The following SERPINB12 variants were observed in gnomAD, a reference collection of about 807,000 sequenced individuals.
SERPINB12 encodes the protein serpin B12.
SERPINB12 carries 57 observed loss-of-function variants against 41.1 expected under a neutral mutation model. That is an observed-to-expected ratio of 1.39 (90% CI 1.12 to 1.73). The LOEUF (loss-of-function observed/expected upper bound fraction) is 1.73, where lower values mean the gene tolerates loss of function less well. Among genes scored for constraint, SERPINB12 ranks in the 40% most tolerant of loss-of-function variants. The pLI is 0.00. For missense variants in SERPINB12, 536 were observed against 501.9 expected, an observed-to-expected ratio of 1.07 and a Z score of -0.65; for synonymous variants, 180 against 181.3, an observed-to-expected ratio of 0.99 and a Z score of 0.06.
the SERPINB12 span, among the ~76,000 whole-genome samples, chr18:63,520,879 A>G: frequency 1.3e-5 from 2 of 152,238 alleles, no homozygotes; most frequent in Non-Finnish European, 2.9e-5. Flanking sequence ...AAAGAAAATG[A>G]TATTTATTTC....
intron 7 of SERPINB12, 38 bp from the exon 8 acceptor site, chr18:63,566,569 A>C: frequency 6.4e-7 from 1 of 1,551,526 alleles, no homozygotes; most frequent in East Asian, 2.2e-5. Context: ...TTGTGGTCCC[A>C]TAATCTGATG....
chr18:63,564,158 C>G (rs748721150), intron 6 of SERPINB12, 38 bp downstream of exon 6: 2 of 1,586,462 alleles, frequency 1.3e-6, no homozygotes, highest in Non-Finnish European at 1.7e-6. Context: ...AGCTAGCCAA[C>G]TCATAATTTC....
At chr18:63,558,802 G>A (rs1324188028) in intron 3 of SERPINB12, among the ~76,000 whole-genome samples, 2 of 152,156 alleles carry the variant, frequency 1.3e-5, no homozygotes, top group Non-Finnish European at 2.9e-5. Flanking sequence ...GTGGTAAGGG[G>A]TAGGGTCAGC....
chr18:63,556,338 A>C lies in SERPINB12; in HGVS notation c.168+11A>C. On this transcript the variant is annotated intron_variant, in intron 2 of 7. Coordinates refer to ENST00000382768, the MANE Select transcript of SERPINB12 (RefSeq NM_001307928.2). ...CATCAGATTGATGAGGTACGTGTCC[A>C]CTAGGGTGCTACACAGGGTCCTAAA... The C allele has an allele frequency of 6.2e-7, 1 of 1,612,228 alleles. No individual in the cohort carries two copies. Among genetic ancestry groups the C allele is most frequent in the Non-Finnish European group, 8.5e-7 (1 of 1,178,700 alleles).
the SERPINB12 span, among the ~76,000 whole-genome samples, chr18:63,526,308 C>G: frequency 6.6e-6 from 1 of 151,878 alleles, no homozygotes; most frequent in Non-Finnish European, 1.5e-5. Flanking sequence ...TTTACTAATA[C>G]TTATTTACTT....
chr18:63,558,318 A>G (rs1464572751), intron 2 of SERPINB12, 34 bp from the exon 3 acceptor site: 2 of 1,594,962 alleles, frequency 1.3e-6, no homozygotes, highest in African/African-American at 1.4e-5. Flanking sequence ...CTCTGTTCAT[A>G]TTATCTGAAA....
the SERPINB12 span, among the ~76,000 whole-genome samples, chr18:63,532,672 T>C: frequency 6.6e-6 from 1 of 152,162 alleles, no homozygotes. Flanking sequence ...GTTGTCTCTA[T>C]GGTAGATGCA....
chr18:63,544,990 A>G (rs1160342738), intron 1 of SERPINB12, among the ~76,000 whole-genome samples: 2 of 152,136 alleles, frequency 1.3e-5, no homozygotes, highest in Non-Finnish European at 2.9e-5. Flanking sequence ...TCAGTAGGGG[A>G]ATATTAATCA....
the SERPINB12 span, among the ~76,000 whole-genome samples, chr18:63,525,542 T>A: frequency 6.6e-6 from 1 of 152,184 alleles, no homozygotes; most frequent in Non-Finnish European, 1.5e-5. Context: ...AACAAACTTG[T>A]ACTTGTGTTC....
upstream of SERPINB12, among the ~76,000 whole-genome samples, chr18:63,537,849 G>C (rs1910204253): frequency 6.6e-6 from 1 of 152,128 alleles, no homozygotes; most frequent in African/African-American, 2.4e-5. Flanking sequence ...TTTGCACTTG[G>C]AGATGAGGTT....
At chr18:63,533,132 C>A in the SERPINB12 span, among the ~76,000 whole-genome samples, 5 of 152,244 alleles carry the variant, frequency 3.3e-5, no homozygotes, top group African/African-American at 1.2e-4. Flanking sequence ...CGCCCACCAC[C>A]ATGCCTGGCT....
upstream of SERPINB12, among the ~76,000 whole-genome samples, chr18:63,537,727 C>T (rs1599408989): frequency 6.6e-6 from 1 of 152,124 alleles, no homozygotes; most frequent in Non-Finnish European, 1.5e-5. Context: ...TGGAATCCCT[C>T]TTGTTCATGG....
At chr18:63,552,782 TA>T (rs1910566324) in intron 1 of SERPINB12, among the ~76,000 whole-genome samples, 2 of 152,106 alleles carry the variant, frequency 1.3e-5, no homozygotes, top group Admixed American at 1.3e-4. Context: ...GTTTCTAATT[TA>T]AAAAAACTGA....
rs1911181291 is a variant in SERPINB12 at position 63,568,275 on chromosome 18, G to A, written c.*1264G>A. Reference sequence around the variant, plus strand: ...GTGCACCTATAGTCCCAGCTACTCGGGAGGCTGAGGTGGGAAGATCACTTG... The same window carrying A: ...GTGCACCTATAGTCCCAGCTACTCGAGAGGCTGAGGTGGGAAGATCACTTG... On this transcript the variant is annotated 3_prime_UTR_variant, in exon 8 of 8. Coordinates refer to ENST00000382768, the MANE Select transcript of SERPINB12 (RefSeq NM_001307928.2). 2.0e-5 allele frequency among the ~76,000 whole-genome samples: 3 copies of A among 152,130 alleles called. No individual in the cohort carries two copies. In the South Asian group the frequency reaches 6.2e-4, roughly 32 times the overall value.
At chr18:63,555,383 G>T (rs1177652598) in intron 1 of SERPINB12, among the ~76,000 whole-genome samples, 3 of 152,170 alleles carry the variant, frequency 2.0e-5, no homozygotes, top group Admixed American at 2.0e-4. Context: ...CTGTGGAGAA[G>T]AATGAGATGG....
At chr18:63,549,494 G>A (rs924600585) in intron 1 of SERPINB12, among the ~76,000 whole-genome samples, 3 of 151,916 alleles carry the variant, frequency 2.0e-5, no homozygotes, top group Non-Finnish European at 4.4e-5. Context: ...AGTAGGAGGT[G>A]ACATTGTGGA....
chr18:63,536,305 G>A, the SERPINB12 span, among the ~76,000 whole-genome samples: 1 of 151,674 alleles, frequency 6.6e-6, no homozygotes, highest in African/African-American at 2.4e-5. Flanking sequence ...TTTACAATAG[G>A]TACAGTTAAT....
the SERPINB12 span, among the ~76,000 whole-genome samples, chr18:63,536,362 A>G: frequency 6.6e-6 from 1 of 152,094 alleles, no homozygotes; most frequent in Non-Finnish European, 1.5e-5. Flanking sequence ...GAAAATATAA[A>G]TTACTCAATT....
Position 63,567,020 on chromosome 18 carries a change from C to G in SERPINB12, c.*9C>G. 6.4e-7 allele frequency: 1 copy of G among 1,562,206 alleles called. No individual in the cohort carries two copies. The highest frequency in any genetic ancestry group is 8.6e-7 in the Non-Finnish European group (1 of 1,158,684). ...GGGTCTGCTCTCCTTAAAAGGGGAG[C>G]AGTGTCTAGTACTTTGGAGCTGGAG... On this transcript the variant is annotated 3_prime_UTR_variant, in exon 8 of 8. Coordinates refer to ENST00000382768, the MANE Select transcript of SERPINB12 (RefSeq NM_001307928.2).
Sources: allele counts gnomAD v4.1 joint callset (sites outside exome capture counted in the v4.1 genomes callset), GRCh38; gene constraint gnomAD v4.1.1; transcripts MANE v1.5; gene names NCBI Gene and HGNC (gene_info 2026-07-23, HGNC 2026-07-21).